The following ZNF638 variants were observed in gnomAD, a reference collection of about 807,000 sequenced individuals.
ZNF638 encodes zinc finger protein 638, also known as CTCL tumor antigen se33-1.
A neutral mutation model predicts 195.6 loss-of-function variants in ZNF638; 46 were observed. That is an observed-to-expected ratio of 0.24 (90% CI 0.19 to 0.30). The LOEUF (loss-of-function observed/expected upper bound fraction) is 0.30, where lower values mean the gene tolerates loss of function less well. Among genes scored for constraint, ZNF638 ranks in the 10% least tolerant of loss-of-function variants. The pLI, the probability that ZNF638 is intolerant of heterozygous loss-of-function variation, is 1.00. For missense variants in ZNF638, 2,440 were observed against 2,325.3 expected (o/e 1.05, Z -1.01); for synonymous variants, 845 against 772.0 (o/e 1.09, Z -1.57).
intron 20 of ZNF638, among the ~76,000 whole-genome samples, chr2:71,409,685 A>T (rs1030701171): frequency 1.2e-4 from 19 of 152,178 alleles, no homozygotes; most frequent in African/African-American, 4.1e-4. Context: ...GGGAAAAATG[A>T]CAGTCTTCAT....
At chr2:71,396,480 G>A (rs1292157866) in intron 11 of ZNF638, among the ~76,000 whole-genome samples, 1 of 151,838 alleles carries the variant, frequency 6.6e-6, no homozygotes, top group African/African-American at 2.4e-5. Context: ...TTATATAATA[G>A]TTCAATAAAT....
chr2:71,357,014 G>A (rs2079035537), intron 3 of ZNF638, among the ~76,000 whole-genome samples: 1 of 152,180 alleles, frequency 6.6e-6, no homozygotes, highest in Non-Finnish European at 1.5e-5. Flanking sequence ...GGTTCTGGAT[G>A]TAAGTGATCT....
At chr2:71,377,684 A>G (rs1398070095) in intron 8 of ZNF638, among the ~76,000 whole-genome samples, 1 of 152,212 alleles carries the variant, frequency 6.6e-6, no homozygotes, top group Non-Finnish European at 1.5e-5. Flanking sequence ...TCTTGGTGTG[A>G]AAGTTAAAAG....
At chr2:71,418,544 A>T in intron 20 of ZNF638, 58 bp from the exon 21 acceptor site, 1 of 1,164,542 alleles carries the variant, frequency 8.6e-7, no homozygotes. Context: ...TTGCTTTTAT[A>T]GTTAAATATT....
chr2:71,405,600 G>T lies in ZNF638; in HGVS notation c.2959-1G>T. 6.4e-7 allele frequency: 1 copy of T among 1,563,062 alleles called. No homozygotes were observed. Among genetic ancestry groups the T allele is most frequent in the South Asian group, 1.2e-5 (1 of 84,672 alleles). On this transcript the variant is annotated splice_acceptor_variant, in intron 17 of 27. Transcript: ENST00000264447. LOFTEE classifies it high-confidence loss of function. Reference sequence around the variant, plus strand: ...AACCTTTATCTATTTTTGCTTTTTAGGAAGCTATATTTATAACCTTGGTAA... The same window carrying T: ...AACCTTTATCTATTTTTGCTTTTTATGAAGCTATATTTATAACCTTGGTAA...
At chr2:71,360,945 T>A (rs2079098887) in intron 3 of ZNF638, among the ~76,000 whole-genome samples, 1 of 152,142 alleles carries the variant, frequency 6.6e-6, no homozygotes, top group Admixed American at 6.5e-5. Context: ...GCAGCAGAGA[T>A]GAGAACATGT....
chr2:71,422,687 A>C (rs1364397136), intron 21 of ZNF638, 127 bp from the exon 22 acceptor site: 1 of 926,892 alleles, frequency 1.1e-6, no homozygotes, highest in East Asian at 2.6e-5. Flanking sequence ...GCTTATTACG[A>C]ATGCATCAGG....
At chr2:71,356,769 A>G (rs1019662307) in intron 3 of ZNF638, among the ~76,000 whole-genome samples, 5 of 151,986 alleles carry the variant, frequency 3.3e-5, no homozygotes, top group Admixed American at 2.0e-4. Flanking sequence ...AGCCTGGGCG[A>G]CAGCCTGTTT....
intron 10 of ZNF638, chr2:71,388,743 T>G (rs1214762413): frequency 1.8e-6 from 2 of 1,121,164 alleles, no homozygotes; most frequent in African/African-American, 3.1e-5. Flanking sequence ...TGGTGCCCAC[T>G]CGGGATATCC....
At chr2:71,397,189 T>G (rs2079910330) in intron 11 of ZNF638, among the ~76,000 whole-genome samples, 1 of 152,182 alleles carries the variant, frequency 6.6e-6, no homozygotes, top group Non-Finnish European at 1.5e-5. Flanking sequence ...TGTGGTAGAC[T>G]GGGATTAAGC....
chr2:71,409,666 G>A (rs1207632672), intron 20 of ZNF638, among the ~76,000 whole-genome samples: 1 of 152,094 alleles, frequency 6.6e-6, no homozygotes. Flanking sequence ...TTTGTATCTT[G>A]TTGAAAGGGG....
At chr2:71,402,755 C>T (rs2080032607) in intron 16 of ZNF638, among the ~76,000 whole-genome samples, 3 of 151,936 alleles carry the variant, frequency 2.0e-5, no homozygotes, top group South Asian at 2.1e-4. Context: ...TTTAATTGAG[C>T]GAGATTTCAG....
intron 2 of ZNF638, among the ~76,000 whole-genome samples, chr2:71,352,534 A>G (rs1217505923): frequency 6.6e-6 from 1 of 151,702 alleles, no homozygotes; most frequent in Admixed American, 6.6e-5. Context: ...GGCGGCAACA[A>G]CATACAGAGA....
intron 6 of ZNF638, among the ~76,000 whole-genome samples, chr2:71,367,345 A>C (rs1031949061): frequency 6.6e-6 from 1 of 151,300 alleles, no homozygotes; most frequent in Admixed American, 6.6e-5. Context: ...TGCAGCCTCA[A>C]GTTCCTGAGC....
chr2:71,372,309 T>C (rs937120318), intron 8 of ZNF638, among the ~76,000 whole-genome samples: 1 of 152,110 alleles, frequency 6.6e-6, no homozygotes, highest in Non-Finnish European at 1.5e-5. Flanking sequence ...TGCCAAGAAA[T>C]TCAGATTCTT....
intron 8 of ZNF638, among the ~76,000 whole-genome samples, chr2:71,372,919 T>C (rs184641968): frequency 7.6e-4 from 116 of 152,338 alleles, no homozygotes; most frequent in Admixed American, 2.3e-3. Context: ...ACCAATTCCT[T>C]ACTGATTGAT....
intron 8 of ZNF638, chr2:71,376,132 C>G (rs1292506087): frequency 1.3e-5 from 2 of 152,172 alleles, no homozygotes; most frequent in African/African-American, 2.4e-5. Flanking sequence ...TCCAAGAGCC[C>G]AGGCATATTT....
rs796291679 is a variant in ZNF638, at chr2:71,335,402, A to G, written c.-203+3527A>G. On this transcript the variant is annotated intron_variant, in intron 1 of 27. Coordinates refer to ENST00000264447, the MANE Select transcript of ZNF638 (RefSeq NM_014497.5). ...TTGGATTATTTTTTAATTCTTTTGA[A>G]CCAAAATATATTTATTGTTCATTCA... Among the ~76,000 whole-genome samples the G allele has an allele frequency of 2.1e-4, 32 of 152,216 alleles. 1 individual carries two copies. The highest frequency in any genetic ancestry group is 7.7e-4 in the African/African-American group (32 of 41,516).
chr2:71,332,404 T>G (rs546940965), intron 1 of ZNF638, among the ~76,000 whole-genome samples: 1 of 151,992 alleles, frequency 6.6e-6, no homozygotes, highest in Non-Finnish European at 1.5e-5. Context: ...CGTGTTTGTG[T>G]TTGGGGTTGG....
Sources: gnomAD v4.1 joint callset for allele counts (sites outside exome capture counted in the v4.1 genomes callset) on GRCh38, gnomAD v4.1.1 for gene constraint, MANE v1.5 for transcripts, NCBI Gene and HGNC (gene_info 2026-07-23, HGNC 2026-07-21) for gene names.